The following ITGA7 variants were observed in gnomAD, a reference collection of about 807,000 sequenced individuals.
ITGA7 encodes the protein integrin alpha-7.
A neutral mutation model predicts 131.6 loss-of-function variants in ITGA7; 84 were observed. That is an observed-to-expected ratio of 0.64 (90% CI 0.54 to 0.77). The LOEUF (loss-of-function observed/expected upper bound fraction) is 0.77. Among genes scored for constraint, ITGA7 ranks in the 30% least tolerant of loss-of-function variants. ITGA7 has a pLI of 0.00. For synonymous variants in ITGA7, 548 were observed against 600.7 expected (o/e 0.91, Z 1.28); for missense variants, 1,399 against 1,482.9 (o/e 0.94, Z 0.93).
At chr12:55,699,009 C>T in intron 5 of ITGA7, 92 bp from the exon 6 acceptor site, 4 of 1,239,180 alleles carry the variant, frequency 3.2e-6, no homozygotes, top group Admixed American at 2.0e-5. Context: ...CCCCTCCCTA[C>T]AGGTTAAGAG....
upstream of ITGA7, chr12:55,712,315 C>T: frequency 7.2e-7 from 1 of 1,398,370 alleles, no homozygotes; most frequent in East Asian, 2.5e-5. Context: ...TGGCTTCAGG[C>T]CAACATTTGG....
At chr12:55,693,055 C>G in intron 20 of ITGA7, 80 bp from the exon 21 acceptor site, 1 of 1,612,110 alleles carries the variant, frequency 6.2e-7, no homozygotes, top group Non-Finnish European at 8.5e-7. Context: ...CCACCGCCTT[C>G]CTCCTGCCCC....
chr12:55,691,822 C>T (rs189493602), intron 21 of ITGA7, among the ~76,000 whole-genome samples: 142 of 152,270 alleles, frequency 9.3e-4, no homozygotes, highest in Admixed American at 3.5e-3. Context: ...AAAGCAGGGA[C>T]TGCAGCAGCT....
chr12:55,693,431 C>A, intron 19 of ITGA7, 114 bp from the exon 20 acceptor site: 1 of 951,264 alleles, frequency 1.1e-6, no homozygotes, highest in Non-Finnish European at 1.6e-6. Flanking sequence ...AACTCCTGGG[C>A]TCAAGTGATC....
chr12:55,685,992 G>A (rs1354157126), intron 24 of ITGA7, among the ~76,000 whole-genome samples: 5 of 152,106 alleles, frequency 3.3e-5, no homozygotes, highest in Non-Finnish European at 7.4e-5. Flanking sequence ...CACACCCCAT[G>A]AGCCCACCAA....
At chr12:55,697,109 G>A (rs759686410) in intron 11 of ITGA7, 41 bp from the exon 12 acceptor site, 1 of 1,601,116 alleles carries the variant, frequency 6.2e-7, no homozygotes, top group Non-Finnish European at 8.5e-7. Context: ...GAGCTGCAGA[G>A]CTGCTCCAGC....
rs758349561 is a variant in ITGA7, at chr12:55,697,686, G to A, written c.1409+9C>T. On this transcript the variant is annotated intron_variant, in intron 9 of 24. Coordinates refer to ENST00000257879, the MANE Select transcript of ITGA7 (RefSeq NM_002206.3). ...GCCTCAGGGAGGGAAAAGGTTGAGA[G>A]GGGCTCACCTGAAGAGCACTGCGGT... The A allele has an allele frequency of 8.1e-5, 130 of 1,614,028 alleles. No individual in the cohort carries two copies. Among genetic ancestry groups the A allele is most frequent in the Non-Finnish European group, 1.0e-4 (123 of 1,180,012 alleles).
At position 55,707,832 on chromosome 12, in the gene ITGA7, GCCCGCCGCTCCGCCAC is replaced by G. The variant is rs1875572178; in HGVS notation, c.-166_-151del. 4 of 571,416 alleles carry G rather than the reference GCCCGCCGCTCCGCCAC, an allele frequency of 7.0e-6. No individual in the cohort carries two copies. In the African/African-American group the frequency reaches 1.5e-4, roughly 22 times the overall value. 35.4% of individuals were successfully genotyped at this position (571,416 alleles called of 1,614,324 possible). A position where few individuals can be genotyped will look rare whatever the true frequency, so the allele number is the denominator to read the frequency against. On this transcript the variant is annotated 5_prime_UTR_variant, in exon 1 of 25. Transcript: ENST00000257879. ...GTTCGCCCCGCCAGCCCTCCCGCCC[GCCCGCCGCTCCGCCAC>G]CCCGCCGCCCCAGCACCGGCTAGGA...
chr12:55,700,689 G>C, intron 4 of ITGA7: 1 of 699,002 alleles, frequency 1.4e-6, no homozygotes, highest in South Asian at 1.9e-5. Context: ...GCCCATGCCA[G>C]CATGTTGAGG....
chr12:55,693,376 T>A (rs78991812), intron 19 of ITGA7, 59 bp from the exon 20 acceptor site: 12 of 1,318,482 alleles, frequency 9.1e-6, no homozygotes, highest in South Asian at 2.5e-5. Context: ...TTTTTTTTTT[T>A]AATTTTTTGT....
At chr12:55,692,366 G>A (rs2135983732) in intron 21 of ITGA7, among the ~76,000 whole-genome samples, 1 of 152,368 alleles carries the variant, frequency 6.6e-6, no homozygotes, top group South Asian at 2.1e-4. Flanking sequence ...AGTGAGCTGA[G>A]ATCGTGCCAC....
chr12:55,700,867 T>C (rs1301494247), intron 4 of ITGA7, 32 bp downstream of exon 4: 1 of 1,614,074 alleles, frequency 6.2e-7, no homozygotes, highest in African/African-American at 1.3e-5. Context: ...GAGGTTTTGG[T>C]CCCCTTCTCC....
At position 55,693,207 on chromosome 12, in the gene ITGA7, C is replaced by A; in HGVS notation, c.2646G>T (p.Glu882Asp). ...GCCCAGGCCCCTGCCCGCCCTCCAG[C>A]TCAACCTGCATTGGGTACAGCAACC... ...GKWLLYPMQVELEGGQGPGQK... is the reference protein window; with the variant it reads ...GKWLLYPMQVDLEGGQGPGQK... Residue 882 changes from glutamate to aspartate, a missense_variant, in exon 20 of 25, where the codon GAG (glutamate) becomes GAT (aspartate). Transcript: ENST00000257879. 1 of 1,614,120 alleles carries A rather than the reference C, an allele frequency of 6.2e-7. No individual in the cohort carries two copies.
Position 55,696,437 on chromosome 12 carries a change from G to A in ITGA7, c.1738-5C>T. ...AAGCTTGTCTTTGACATTTTCCTAG[G>A]AAGAGGAAGGTCTATTCCTCACTGG... On this transcript the variant is annotated splice_region_variant and splice_polypyrimidine_tract_variant and intron_variant, in intron 12 of 24. Coordinates refer to ENST00000257879, the MANE Select transcript of ITGA7 (RefSeq NM_002206.3). 1 of 1,594,398 alleles carries A rather than the reference G, an allele frequency of 6.3e-7. No individual in the cohort carries two copies. Among genetic ancestry groups the A allele is most frequent in the Non-Finnish European group, 8.6e-7 (1 of 1,168,658 alleles).
chr12:55,714,251 G>A (rs1265565572), upstream of ITGA7, among the ~76,000 whole-genome samples: 2 of 151,562 alleles, frequency 1.3e-5, no homozygotes, highest in Admixed American at 6.6e-5. Flanking sequence ...GGTGGCTCAC[G>A]CCTGTAATCC....
chr12:55,693,335 T>C lies in ITGA7; in HGVS notation c.2536-18A>G, dbSNP rs1271334041. 6.2e-7 allele frequency: 1 copy of C among 1,608,628 alleles called. No homozygotes were observed. Among genetic ancestry groups the C allele is most frequent in the South Asian group, 1.1e-5 (1 of 90,928 alleles). On this transcript the variant is annotated intron_variant, in intron 19 of 24. Coordinates refer to ENST00000257879, the MANE Select transcript of ITGA7 (RefSeq NM_002206.3). ...TTGGAAACCTGTGGGAAAAAGAGAGTATGAGGGGAGAGACCTCAGTTTTTC... is the reference window on the plus strand; with the variant it reads ...TTGGAAACCTGTGGGAAAAAGAGAGCATGAGGGGAGAGACCTCAGTTTTTC...
At chr12:55,699,220 A>G (rs569426474) in intron 5 of ITGA7, among the ~76,000 whole-genome samples, 10 of 152,270 alleles carry the variant, frequency 6.6e-5, no homozygotes, top group East Asian at 3.9e-4. Context: ...CAAGAGAGAG[A>G]AAGGTGATGG....
rs780702474 is a variant in ITGA7 at position 55,700,389 on chromosome 12, C to A, written c.671-400G>T. ...CCTGTGCACAGAGCTCCACCCTGGC[C>A]GTGCCTGCAAGGACAGACCTGTTAG... is the stretch of plus-strand genomic sequence containing the variant. On this transcript the variant is annotated intron_variant, in intron 4 of 24. Coordinates refer to ENST00000257879, the MANE Select transcript of ITGA7 (RefSeq NM_002206.3). 2.5e-6 allele frequency: 4 copies of A among 1,606,212 alleles called. No individual in the cohort carries two copies. The South Asian group carries it at 4.4e-5, about 18-fold the overall frequency.
Position 55,684,899 on chromosome 12 carries a change from A to C in ITGA7, c.*159T>G, listed in dbSNP as rs1869731824. On this transcript the variant is annotated 3_prime_UTR_variant, in exon 25 of 25. Transcript: ENST00000257879. ...GCACTCTAAGGGGAAGTTGGGTGGG[A>C]GGAGTTCTTGTGGGTGGGAGAGGTC... 1 of 624,296 alleles carries C rather than the reference A, an allele frequency of 1.6e-6. No individual in the cohort carries two copies. Among genetic ancestry groups the C allele is most frequent in the East Asian group, 2.8e-5 (1 of 36,344 alleles). The allele number at this position is 624,296 out of a possible 1,614,324, so 38.7% of individuals were successfully genotyped here. A position where few individuals can be genotyped will look rare whatever the true frequency, so the allele number is the denominator to read the frequency against.
Sources: allele counts gnomAD v4.1 joint callset (sites outside exome capture counted in the v4.1 genomes callset), GRCh38; gene constraint gnomAD v4.1.1; transcripts MANE v1.5; gene names NCBI Gene and HGNC (gene_info 2026-07-23, HGNC 2026-07-21).